NUFIP2: variants seen among roughly 807,000 people sequenced by gnomAD.
NUFIP2 encodes the protein FMR1-interacting protein NUFIP2.
NUFIP2 carries 6 observed loss-of-function variants against 56.9 expected under a neutral mutation model. The observed-to-expected ratio is 0.11, with a 90% CI of 0.06 to 0.21. The LOEUF (loss-of-function observed/expected upper bound fraction) is 0.21, where lower values mean the gene tolerates loss of function less well. Among genes scored for constraint, NUFIP2 ranks in the 10% least tolerant of loss-of-function variants. The pLI is 1.00. For synonymous variants in NUFIP2, 321 were observed against 298.2 expected (o/e 1.08, Z -0.79); for missense variants, 828 against 826.8 (o/e 1.00, Z -0.02).
Position 29,293,853 on chromosome 17 carries a change from C to A in NUFIP2, c.207G>T (p.Gln69His). Reference protein sequence around the residue: ...QHGAEGSPKAQPKPLKHEQKH... With the variant: ...QHGAEGSPKAHPKPLKHEQKH... ...TCTGCTCATGTTTCAGCGGCTTTGG[C>A]TGGGCCTTGGGGCTGCCCTCGGCTC... is the stretch of plus-strand genomic sequence containing the variant. Residue 69 changes from glutamine (Q) to histidine (H), a missense_variant, in exon 1 of 4, where the codon CAG (glutamine) becomes CAT (histidine). Physicochemically the swap from Gln to His is conservative, Grantham distance 24 (BLOSUM62 0). Coordinates refer to ENST00000225388, the MANE Select transcript of NUFIP2 (RefSeq NM_020772.3). 1.2e-6 allele frequency: 2 copies of A among 1,610,786 alleles called. No homozygotes were observed. Among genetic ancestry groups the A allele is most frequent in the Non-Finnish European group, 1.7e-6 (2 of 1,177,858 alleles).
chr17:29,287,753 C>T (rs1356713342), intron 1 of NUFIP2, 37 bp from the exon 2 acceptor site: 9 of 1,503,502 alleles, frequency 6.0e-6, no homozygotes, highest in Admixed American at 2.3e-5. Flanking sequence ...AAAAAAAAAT[C>T]ACAACATGTA....
At position 29,256,508 on chromosome 17, in the gene NUFIP2, A is replaced by G. The variant is rs551361114; in HGVS notation, c.*8031T>C. 6.6e-6 allele frequency: 1 copy of G among 152,336 alleles called. No individual in the cohort carries two copies. Among genetic ancestry groups the G allele is most frequent in the South Asian group, 2.1e-4 (1 of 4,826 alleles). The allele number at this position is 152,336 out of a possible 1,614,324, so 9.4% of individuals were successfully genotyped here. A position where few individuals can be genotyped will look rare whatever the true frequency, so the allele number is the denominator to read the frequency against. ...AGGGTTTTGCTGTGTCCTCAAAGGCAACAATATACTTGATGAAGAAGTAAC... is the reference window on the plus strand; with the variant it reads ...AGGGTTTTGCTGTGTCCTCAAAGGCGACAATATACTTGATGAAGAAGTAAC... On this transcript the variant is annotated 3_prime_UTR_variant, in exon 4 of 4. Coordinates refer to ENST00000225388, the MANE Select transcript of NUFIP2 (RefSeq NM_020772.3).
At chr17:29,285,725 C>T (rs978348476) in intron 2 of NUFIP2, among the ~76,000 whole-genome samples, 2 of 151,754 alleles carry the variant, frequency 1.3e-5, no homozygotes, top group African/African-American at 2.4e-5. Context: ...AGCAAGTTCT[C>T]CTCACTTCTG....
chr17:29,265,535 C>T (rs1178598076), intron 3 of NUFIP2, among the ~76,000 whole-genome samples: 2 of 147,486 alleles, frequency 1.4e-5, no homozygotes, highest in South Asian at 2.1e-4. Context: ...ATCTCCTGAC[C>T]TCGTGATCCG....
At chr17:29,284,508 C>G (rs188099198) in intron 2 of NUFIP2, among the ~76,000 whole-genome samples, 3 of 151,764 alleles carry the variant, frequency 2.0e-5, no homozygotes, top group Non-Finnish European at 4.4e-5. Context: ...GAGTTTGAGA[C>G]CAGCCTGGCC....
rs1346545022 is a variant in NUFIP2, at chr17:29,257,578, C to T, written c.*6961G>A. On this transcript the variant is annotated 3_prime_UTR_variant, in exon 4 of 4. Transcript: ENST00000225388. ...ATTATTTTGAGACAATTGTTGCAGA[C>T]ATAAATATTTAAAATTTTCTAAGCA... 1.3e-5 allele frequency: 2 copies of T among 151,442 alleles called. No homozygotes were observed. The highest frequency in any genetic ancestry group is 6.6e-5 in the Admixed American group (1 of 15,204). 9.4% of individuals were successfully genotyped at this position (151,442 alleles called of 1,614,324 possible).
In NUFIP2 at chr17:29,294,081, G is replaced by A. The variant is rs775069110; in HGVS notation, c.-22C>T. 41 of 1,576,438 alleles carry A rather than the reference G, an allele frequency of 2.6e-5. No homozygotes were observed. Among genetic ancestry groups the A allele is most frequent in the African/African-American group, 6.7e-5 (5 of 74,454 alleles). The stretch of plus-strand genomic sequence containing the variant: ...CCATTGAAAGCGGCTGGGACTCCCT[G>A]GCTGAGGCTGCGGGCTGCTGCACCG... On this transcript the variant is annotated 5_prime_UTR_variant, in exon 1 of 4. Coordinates refer to ENST00000225388, the MANE Select transcript of NUFIP2 (RefSeq NM_020772.3).
chr17:29,278,720 C>T (rs1451215041), intron 2 of NUFIP2, among the ~76,000 whole-genome samples: 1 of 152,118 alleles, frequency 6.6e-6, no homozygotes, highest in Non-Finnish European at 1.5e-5. Flanking sequence ...GGTTATTTCC[C>T]TCACACTCAG....
At chr17:29,287,756 A>T (rs1235179543) in intron 1 of NUFIP2, 40 bp from the exon 2 acceptor site, 1 of 1,522,222 alleles carries the variant, frequency 6.6e-7, no homozygotes, top group Non-Finnish European at 8.8e-7. Context: ...AAAAAATCAC[A>T]ACATGTAAAT....
chr17:29,275,139 C>G (rs67533400), intron 2 of NUFIP2, among the ~76,000 whole-genome samples: 33 of 151,830 alleles, frequency 2.2e-4, no homozygotes, highest in African/African-American at 2.9e-4. Context: ...CTGCCTCAGC[C>G]CCCCCCAAGC....
At chr17:29,272,488 C>T (rs576522393) in intron 2 of NUFIP2, among the ~76,000 whole-genome samples, 1 of 152,156 alleles carries the variant, frequency 6.6e-6, no homozygotes, top group Non-Finnish European at 1.5e-5. Flanking sequence ...GATCTGCCCG[C>T]CCTGGCCTCC....
intron 1 of NUFIP2, 22 bp from the exon 2 acceptor site, chr17:29,287,738 AT>A (rs1436440342): frequency 6.5e-7 from 1 of 1,543,262 alleles, no homozygotes; most frequent in African/African-American, 1.5e-5. Context: ...GAAAAAAAGG[AT>A]TAAAAAAAAA....
chr17:29,266,420 T>C (rs761136733), intron 3 of NUFIP2, among the ~76,000 whole-genome samples: 10 of 151,996 alleles, frequency 6.6e-5, no homozygotes, highest in Non-Finnish European at 1.2e-4. Flanking sequence ...TGGGCCTCAC[T>C]TTCCTAATAT....
chr17:29,269,969 C>G (rs1019577795), intron 2 of NUFIP2, among the ~76,000 whole-genome samples: 2 of 152,146 alleles, frequency 1.3e-5, no homozygotes, highest in Non-Finnish European at 2.9e-5. Context: ...ATCCACCCGG[C>G]TCGGCCTCCC....
At chr17:29,269,121 T>C (rs1034688329) in intron 2 of NUFIP2, among the ~76,000 whole-genome samples, 1 of 152,234 alleles carries the variant, frequency 6.6e-6, no homozygotes, top group African/African-American at 2.4e-5. Context: ...ATATTCTATC[T>C]GGAGATTAAC....
In NUFIP2 at chr17:29,278,175, T is replaced by C. The variant is rs2069118872; in HGVS notation, c.2002+7817A>G. On this transcript the variant is annotated intron_variant, in intron 2 of 3. Coordinates refer to ENST00000225388, the MANE Select transcript of NUFIP2 (RefSeq NM_020772.3). The stretch of plus-strand genomic sequence containing the variant: ...AAGAATTATCCAGACTACTCCTAAA[T>C]AGAAACTCGGAACTCAAGTTGTTTT... Among the ~76,000 whole-genome samples, 4 of 152,288 alleles carry C rather than the reference T, an allele frequency of 2.6e-5. No individual in the cohort carries two copies. The South Asian group carries it at 8.3e-4, about 32-fold the overall frequency.
Position 29,293,905 on chromosome 17 carries a change from T to C in NUFIP2, c.155A>G (p.Gln52Arg). Reference protein sequence around the residue: ...SHNHHHHHHHQQPHQYLQHGA... With the variant: ...SHNHHHHHHHRQPHQYLQHGA... ...ATGCTGCAGGTATTGGTGAGGCTGC[T>C]GGTGATGATGGTGGTGGTGGTGGTT... Residue 52 changes from glutamine (Q) to arginine (R), a missense_variant, in exon 1 of 4, where the codon CAG becomes CGG. By Grantham distance (43) the Gln-to-Arg change is conservative (BLOSUM62 1). Transcript: ENST00000225388. 6.2e-7 allele frequency: 1 copy of C among 1,614,026 alleles called. No individual in the cohort carries two copies. Among genetic ancestry groups the C allele is most frequent in the Non-Finnish European group, 8.5e-7 (1 of 1,179,978 alleles).
At chr17:29,269,942 G>A (rs553962946) in intron 2 of NUFIP2, among the ~76,000 whole-genome samples, 28 of 152,028 alleles carry the variant, frequency 1.8e-4, no homozygotes, top group East Asian at 3.9e-4. Context: ...GGGTGGTCTC[G>A]AACTTCTGAT....
At chr17:29,284,531 C>T (rs1391729770) in intron 2 of NUFIP2, among the ~76,000 whole-genome samples, 2 of 151,428 alleles carry the variant, frequency 1.3e-5, no homozygotes, top group Non-Finnish European at 2.9e-5. Context: ...CACGGTGAAA[C>T]CTCATCTCTA....
Sources: gnomAD v4.1 joint callset for allele counts (sites outside exome capture counted in the v4.1 genomes callset) on GRCh38, gnomAD v4.1.1 for gene constraint, MANE v1.5 for transcripts, NCBI Gene and HGNC (gene_info 2026-07-23, HGNC 2026-07-21) for gene names.